Variants in SPOCK1 observed in about 807,000 individuals in gnomAD.
SPOCK1 encodes the protein testican-1.
Under a neutral mutation model 55.3 loss-of-function variants are expected in SPOCK1, and 23 were observed. The ratio of observed to expected loss-of-function variants is 0.42; its 90% confidence interval spans 0.30 to 0.59. The LOEUF (loss-of-function observed/expected upper bound fraction) is 0.59. SPOCK1 is among the 20% of genes least tolerant of loss of function. SPOCK1 has a pLI of 0.22. For synonymous variants in SPOCK1, 226 were observed against 221.0 expected, an observed-to-expected ratio of 1.02 and a Z score of -0.20; for missense variants, 499 against 552.5, an observed-to-expected ratio of 0.90 and a Z score of 0.97.
chr5:137,256,612 C>G (rs1434148363), intron 3 of SPOCK1, among the ~76,000 whole-genome samples: 1 of 152,178 alleles, frequency 6.6e-6, no homozygotes, highest in Non-Finnish European at 1.5e-5. Context: ...AACATTATTG[C>G]ATTGGGGATT....
intron 2 of SPOCK1, among the ~76,000 whole-genome samples, chr5:137,497,661 G>A (rs1754327328): frequency 6.6e-6 from 1 of 152,162 alleles, no homozygotes; most frequent in Non-Finnish European, 1.5e-5. Flanking sequence ...GTGTTTCTGC[G>A]TGTCCGGGAG....
intron 6 of SPOCK1, among the ~76,000 whole-genome samples, chr5:137,026,930 A>T (rs899542301): frequency 6.6e-6 from 1 of 152,208 alleles, no homozygotes; most frequent in African/African-American, 2.4e-5. Flanking sequence ...GTGCTGGTGA[A>T]TCTAGGCTCT....
chr5:137,178,536 C>T (rs931966835), intron 3 of SPOCK1, among the ~76,000 whole-genome samples: 1 of 152,224 alleles, frequency 6.6e-6, no homozygotes, highest in Non-Finnish European at 1.5e-5. Flanking sequence ...AGTGACTTGA[C>T]ATTTCACATG....
intron 1 of SPOCK1, among the ~76,000 whole-genome samples, chr5:137,498,946 G>C (rs966880646): frequency 6.6e-6 from 1 of 151,928 alleles, no homozygotes; most frequent in African/African-American, 2.4e-5. Flanking sequence ...CAGGAGAGGG[G>C]AGAACAGGGC....
chr5:137,444,358 T>C (rs1753078339), intron 2 of SPOCK1, among the ~76,000 whole-genome samples: 1 of 152,210 alleles, frequency 6.6e-6, no homozygotes, highest in Non-Finnish European at 1.5e-5. Context: ...ATGCATCATA[T>C]AGGCTCTGCC....
At chr5:137,156,487 A>G (rs1561629998) in intron 3 of SPOCK1, among the ~76,000 whole-genome samples, 1 of 152,218 alleles carries the variant, frequency 6.6e-6, no homozygotes, top group East Asian at 1.9e-4. Flanking sequence ...ACTCTGAAGT[A>G]GTTTGACAAC....
chr5:137,254,083 G>A (rs1756590320), intron 3 of SPOCK1, among the ~76,000 whole-genome samples: 1 of 152,110 alleles, frequency 6.6e-6, no homozygotes, highest in Admixed American at 6.5e-5. Context: ...CTAATCACTG[G>A]TAGAAAGAAC....
At chr5:137,229,982 A>T (rs989815549) in intron 3 of SPOCK1, among the ~76,000 whole-genome samples, 1 of 152,180 alleles carries the variant, frequency 6.6e-6, no homozygotes, top group Non-Finnish European at 1.5e-5. Flanking sequence ...GCTGTAGAGT[A>T]GTGACAATGA....
At chr5:137,338,353 C>A (rs1366685105) in intron 2 of SPOCK1, among the ~76,000 whole-genome samples, 17 of 152,158 alleles carry the variant, frequency 1.1e-4, no homozygotes, top group African/African-American at 2.4e-4. Context: ...GGAACTCATC[C>A]TTTTTTATGG....
chr5:137,109,517 C>A (rs547056723), intron 5 of SPOCK1, among the ~76,000 whole-genome samples: 1 of 152,168 alleles, frequency 6.6e-6, no homozygotes, highest in Non-Finnish European at 1.5e-5. Flanking sequence ...CCACTATAAA[C>A]GGTCTCTGCC....
intron 5 of SPOCK1, among the ~76,000 whole-genome samples, chr5:137,102,982 GT>G (rs992327858): frequency 1.3e-5 from 2 of 151,618 alleles, no homozygotes; most frequent in Admixed American, 6.6e-5. Context: ...TGCTTTTTGG[GT>G]TTTTTTTGTT....
At chr5:137,106,460 C>T (rs1023467614) in intron 5 of SPOCK1, among the ~76,000 whole-genome samples, 12 of 152,246 alleles carry the variant, frequency 7.9e-5, no homozygotes, top group South Asian at 4.2e-4. Context: ...AACCACAAAG[C>T]GGCAGGCAGG....
chr5:137,025,034 T>TA (rs1360815575), intron 6 of SPOCK1, among the ~76,000 whole-genome samples: 3 of 152,188 alleles, frequency 2.0e-5, no homozygotes, highest in Admixed American at 1.3e-4. Flanking sequence ...TGATTCCACT[T>TA]ATATGAGGTA....
chr5:137,279,970 A>T (rs1407927876), intron 2 of SPOCK1, among the ~76,000 whole-genome samples: 1 of 152,144 alleles, frequency 6.6e-6, no homozygotes, highest in Non-Finnish European at 1.5e-5. Flanking sequence ...AAATAAGTAA[A>T]CATCTTTCCC....
At chr5:137,109,013 C>T (rs1366018381) in intron 5 of SPOCK1, among the ~76,000 whole-genome samples, 1 of 152,230 alleles carries the variant, frequency 6.6e-6, no homozygotes, top group African/African-American at 2.4e-5. Flanking sequence ...GTTACCACTG[C>T]TCTTTGCAGC....
chr5:137,231,212 T>C lies in SPOCK1; in HGVS notation c.232+35798A>G, dbSNP rs181720942. On this transcript the variant is annotated intron_variant, in intron 3 of 10. Transcript: ENST00000394945. ...GGCATGCGCCACCACAACCAGCTAATTTTTGTATTTTTAGTAGAGGCAGGG... is the reference window on the plus strand; with the variant it reads ...GGCATGCGCCACCACAACCAGCTAACTTTTGTATTTTTAGTAGAGGCAGGG... Among the ~76,000 whole-genome samples, 918 of 152,268 alleles carry C rather than the reference T, an allele frequency of 6.0e-3. 9 individuals carry two copies. Among genetic ancestry groups the C allele is most frequent in the Non-Finnish European group, 6.7e-3 (453 of 68,024 alleles).
chr5:137,154,644 T>C (rs891301038), intron 3 of SPOCK1, among the ~76,000 whole-genome samples: 1 of 152,218 alleles, frequency 6.6e-6, no homozygotes, highest in Non-Finnish European at 1.5e-5. Flanking sequence ...TGTTGAAGTC[T>C]AACTGAGGTT....
chr5:137,248,822 C>T (rs1467040034), intron 3 of SPOCK1, among the ~76,000 whole-genome samples: 1 of 152,194 alleles, frequency 6.6e-6, no homozygotes, highest in Non-Finnish European at 1.5e-5. Context: ...TAACAATTCT[C>T]CCTTAGGCTT....
chr5:137,032,183 G>A (rs1384649203), intron 6 of SPOCK1, among the ~76,000 whole-genome samples: 1 of 151,962 alleles, frequency 6.6e-6, no homozygotes, highest in African/African-American at 2.4e-5. Context: ...CAGGAGCTCA[G>A]TACACGTTTG....
Sources: allele counts gnomAD v4.1 joint callset (sites outside exome capture counted in the v4.1 genomes callset), GRCh38; gene constraint gnomAD v4.1.1; transcripts MANE v1.5; gene names NCBI Gene and HGNC (gene_info 2026-07-23, HGNC 2026-07-21).